Variants in FAM107B observed in about 807,000 individuals in gnomAD.
FAM107B encodes the protein protein FAM107B.
Under a neutral mutation model 31.5 loss-of-function variants are expected in FAM107B, and 21 were observed. The ratio of observed to expected loss-of-function variants is 0.67; its 90% CI spans 0.47 to 0.96. FAM107B has a LOEUF of 0.96. Ranked by LOEUF, FAM107B falls within the 40% of genes least tolerant of loss-of-function variation. The pLI is 0.00. For synonymous variants in FAM107B, 157 were observed against 141.5 expected (o/e 1.11, Z -0.78); for missense variants, 452 against 377.1 (o/e 1.20, Z -1.64).
intron 2 of FAM107B, among the ~76,000 whole-genome samples, chr10:14,558,008 G>C (rs1455449868): frequency 1.3e-5 from 2 of 152,242 alleles, no homozygotes; most frequent in African/African-American, 4.8e-5. Flanking sequence ...TTTAGAAAAA[G>C]ATCGAATTCG....
rs1239550768 is a variant in FAM107B, at chr10:14,520,097, GA to G, written c.*1092del. ...AGTGGTGAAAGTCTTTCTTCACAAG[GA>G]AAAACAAAGATAAAGAAATACATGA... is the stretch of plus-strand genomic sequence containing the variant. On this transcript the variant is annotated 3_prime_UTR_variant, in exon 5 of 5. Coordinates refer to ENST00000181796, the MANE Select transcript of FAM107B (RefSeq NM_031453.4). 126 of 152,674 alleles carry G rather than the reference GA, an allele frequency of 8.3e-4. 1 individual carries two copies. The highest frequency in any genetic ancestry group is 2.5e-3 in the African/African-American group (104 of 41,552). 9.5% of individuals were successfully genotyped at this position (152,674 alleles called of 1,614,324 possible). A position where few individuals can be genotyped will look rare whatever the true frequency, so the allele number is the denominator to read the frequency against.
chr10:14,718,627 G>A (rs1855838139), intron 1 of FAM107B, among the ~76,000 whole-genome samples: 1 of 152,188 alleles, frequency 6.6e-6, no homozygotes, highest in Non-Finnish European at 1.5e-5. Flanking sequence ...GCAGTAGGAA[G>A]AATGCACCAA....
chr10:14,567,857 C>A (rs542810117), intron 2 of FAM107B, among the ~76,000 whole-genome samples: 2 of 152,244 alleles, frequency 1.3e-5, no homozygotes, highest in South Asian at 4.1e-4. Flanking sequence ...TTTAGGGTAA[C>A]CTCCTCCTCC....
chr10:14,526,898 C>T (rs927836370), intron 3 of FAM107B, among the ~76,000 whole-genome samples: 3 of 150,658 alleles, frequency 2.0e-5, no homozygotes, highest in Admixed American at 1.3e-4. Flanking sequence ...AGTGTAGTGG[C>T]GCCATCTCAG....
chr10:14,704,197 C>A (rs956325428), intron 1 of FAM107B, among the ~76,000 whole-genome samples: 2 of 151,736 alleles, frequency 1.3e-5, no homozygotes, highest in African/African-American at 4.8e-5. Flanking sequence ...TAGGAGAAAT[C>A]CGATCACTTT....
At position 14,722,711 on chromosome 10, in the gene FAM107B, TAA is replaced by T. The variant is rs201991617; in HGVS notation, c.411+51540_411+51541del. Among the ~76,000 whole-genome samples the T allele has an allele frequency of 3.4e-3, 520 of 152,326 alleles. 11 individuals carry two copies. The East Asian group carries it at 0.045, about 13-fold the overall frequency. ...CAGAGTTCTCTATATATTCTAGATA[TAA>T]GTCTCTTATCAGATATATAATTTGC... On this transcript the variant is annotated intron_variant, in intron 1 of 4. Transcript: ENST00000181796.
At chr10:14,763,896 T>A (rs1032768453) in intron 1 of FAM107B, among the ~76,000 whole-genome samples, 2 of 152,274 alleles carry the variant, frequency 1.3e-5, no homozygotes, top group African/African-American at 4.8e-5. Context: ...CACATTGCTG[T>A]CCCCATTCAA....
chr10:14,730,870 C>T (rs1433410275), intron 1 of FAM107B, among the ~76,000 whole-genome samples: 1 of 152,098 alleles, frequency 6.6e-6, no homozygotes, highest in Non-Finnish European at 1.5e-5. Context: ...CTAGACCACA[C>T]CAGTAGCAGC....
At chr10:14,744,522 C>A (rs997563907) in intron 1 of FAM107B, among the ~76,000 whole-genome samples, 7 of 152,126 alleles carry the variant, frequency 4.6e-5, no homozygotes, top group Admixed American at 4.6e-4. Flanking sequence ...TATGTCCCAT[C>A]AATACCTAGT....
intron 2 of FAM107B, among the ~76,000 whole-genome samples, chr10:14,568,086 T>C (rs7096086): frequency 0.77 from 116,483 of 152,158 alleles, 45,182 homozygotes; most frequent in Middle Eastern, 0.86. Flanking sequence ...AAGGAACGAA[T>C]GAGGAGCTAC....
chr10:14,611,845 A>C (rs1055174336), intron 2 of FAM107B, among the ~76,000 whole-genome samples: 3 of 151,974 alleles, frequency 2.0e-5, no homozygotes, highest in African/African-American at 7.3e-5. Context: ...TATATGCATA[A>C]ATTTTTCCTT....
At chr10:14,605,160 A>C (rs1190446373) in intron 2 of FAM107B, among the ~76,000 whole-genome samples, 1 of 152,222 alleles carries the variant, frequency 6.6e-6, no homozygotes, top group African/African-American at 2.4e-5. Context: ...AAACCCGGTG[A>C]CCTGGAGATT....
intron 1 of FAM107B, among the ~76,000 whole-genome samples, chr10:14,755,921 G>T (rs1411317310): frequency 6.6e-6 from 1 of 152,108 alleles, no homozygotes; most frequent in Non-Finnish European, 1.5e-5. Flanking sequence ...GTTGGTGGGG[G>T]ACTAAAGCTC....
intron 1 of FAM107B, among the ~76,000 whole-genome samples, chr10:14,701,371 A>G (rs991221004): frequency 6.6e-6 from 1 of 151,968 alleles, no homozygotes; most frequent in Non-Finnish European, 1.5e-5. Flanking sequence ...CAGCCTCCTG[A>G]GAAGCTGGGA....
chr10:14,639,333 G>A (rs547618748), intron 2 of FAM107B, among the ~76,000 whole-genome samples: 1 of 152,254 alleles, frequency 6.6e-6, no homozygotes, highest in Non-Finnish European at 1.5e-5. Flanking sequence ...CAACCTTAGG[G>A]TTAGGTACCA....
chr10:14,685,170 A>G (rs992658444), intron 1 of FAM107B, among the ~76,000 whole-genome samples: 1 of 137,304 alleles, frequency 7.3e-6, no homozygotes, highest in Non-Finnish European at 1.5e-5. Flanking sequence ...TTTTTTTGAG[A>G]CAGGTTCTTG....
At chr10:14,711,037 C>T (rs903551677) in intron 1 of FAM107B, among the ~76,000 whole-genome samples, 1 of 152,012 alleles carries the variant, frequency 6.6e-6, no homozygotes, top group African/African-American at 2.4e-5. Context: ...CTCAGCCTCC[C>T]AAGTAGCTGG....
At chr10:14,542,976 T>A (rs1421078187) in intron 2 of FAM107B, among the ~76,000 whole-genome samples, 4 of 152,244 alleles carry the variant, frequency 2.6e-5, no homozygotes, top group Non-Finnish European at 4.4e-5. Context: ...TTCTAAGCAA[T>A]GGAAATCCTG....
intron 2 of FAM107B, among the ~76,000 whole-genome samples, chr10:14,583,362 T>C (rs1267104185): frequency 6.6e-6 from 1 of 152,084 alleles, no homozygotes; most frequent in Non-Finnish European, 1.5e-5. Flanking sequence ...ATGAAGATAC[T>C]GCAGGGAAAG....
Sources: allele counts gnomAD v4.1 joint callset (sites outside exome capture counted in the v4.1 genomes callset), GRCh38; gene constraint gnomAD v4.1.1; transcripts MANE v1.5; gene names NCBI Gene and HGNC (gene_info 2026-07-23, HGNC 2026-07-21).